CCDC73: variants seen among roughly 807,000 people sequenced by gnomAD.
CCDC73 encodes coiled-coil domain containing 73.
CCDC73 carries 95 observed loss-of-function variants against 116.5 expected under a neutral mutation model. That is an observed-to-expected ratio of 0.82 (90% CI 0.69 to 0.97). CCDC73 has a LOEUF of 0.97. CCDC73 is among the 50% of genes least tolerant of loss of function. The pLI is 0.00. For synonymous variants in CCDC73, 398 were observed against 401.3 expected (o/e 0.99, Z 0.10); for missense variants, 1,066 against 1,206.8 (o/e 0.88, Z 1.73).
chr11:32,608,127 A>G (rs1344426629), intron 17 of CCDC73, among the ~76,000 whole-genome samples: 1 of 152,174 alleles, frequency 6.6e-6, no homozygotes, highest in African/African-American at 2.4e-5. Flanking sequence ...GGACACAGCC[A>G]AACCATATCA....
At chr11:32,639,672 C>T (rs1446290010) in intron 13 of CCDC73, among the ~76,000 whole-genome samples, 1 of 152,146 alleles carries the variant, frequency 6.6e-6, no homozygotes, top group Non-Finnish European at 1.5e-5. Context: ...TTGTCTTGAA[C>T]TCCTGACCTC....
At chr11:32,809,378 G>A in the CCDC73 span, among the ~76,000 whole-genome samples, 1 of 152,302 alleles carries the variant, frequency 6.6e-6, no homozygotes, top group East Asian at 1.9e-4. Context: ...ACACAACCTA[G>A]ACAATAATAG....
At chr11:32,650,802 A>G (rs1449128731) in intron 12 of CCDC73, among the ~76,000 whole-genome samples, 4 of 152,144 alleles carry the variant, frequency 2.6e-5, no homozygotes. Flanking sequence ...TAAATGTTGC[A>G]TTGCTCAGGT....
intron 2 of CCDC73, 141 bp from the exon 3 acceptor site, chr11:32,718,288 T>C (rs1051098299): frequency 1.7e-6 from 1 of 590,784 alleles, no homozygotes; most frequent in Non-Finnish European, 2.9e-6. Flanking sequence ...GCAAATTAAA[T>C]AGACAAGTCC....
chr11:32,613,806 TATGCTGTCTTTC>T lies in CCDC73; in HGVS notation c.2500_2511del (p.Glu834_His837del), dbSNP rs1200231522. On this transcript the variant is annotated inframe_deletion, in exon 16 of 18. Coordinates refer to ENST00000335185, the MANE Select transcript of CCDC73 (RefSeq NM_001008391.4). Reference sequence around the variant, plus strand: ...GTTTTCTCTGTATTATTTAACAATGTATGCTGTCTTTCATTAATGCTCACAAAAAGGAAGAGG... The same window carrying T: ...GTTTTCTCTGTATTATTTAACAATGTATTAATGCTCACAAAAAGGAAGAGG... The T allele has an allele frequency of 2.5e-6, 4 of 1,613,814 alleles. No individual in the cohort carries two copies. The highest frequency in any genetic ancestry group is 3.4e-6 in the Non-Finnish European group (4 of 1,179,918).
At chr11:32,733,752 T>C (rs999130098) in intron 2 of CCDC73, among the ~76,000 whole-genome samples, 7 of 152,172 alleles carry the variant, frequency 4.6e-5, no homozygotes, top group African/African-American at 1.7e-4. Context: ...CCAGAATCTC[T>C]GGGACACATT....
intron 1 of CCDC73, among the ~76,000 whole-genome samples, chr11:32,776,117 A>T (rs1461881770): frequency 6.6e-6 from 1 of 151,820 alleles, no homozygotes; most frequent in Non-Finnish European, 1.5e-5. Context: ...TCATCCCCTA[A>T]ATCTAATCTC....
intron 1 of CCDC73, among the ~76,000 whole-genome samples, chr11:32,771,028 C>T (rs1850489115): frequency 6.6e-6 from 1 of 152,172 alleles, no homozygotes; most frequent in African/African-American, 2.4e-5. Context: ...AGGGCGTTAT[C>T]TTAGAGCATC....
chr11:32,800,054 A>G, the CCDC73 span, among the ~76,000 whole-genome samples: 1 of 152,180 alleles, frequency 6.6e-6, no homozygotes, highest in Non-Finnish European at 1.5e-5. Context: ...TTTTCATGTA[A>G]TAATTGATAG....
rs567823511 is a variant in CCDC73 at position 32,696,584 on chromosome 11, T to C, written c.390+2667A>G. Among the ~76,000 whole-genome samples the C allele has an allele frequency of 2.0e-5, 3 of 152,010 alleles. No individual in the cohort carries two copies. The South Asian group carries it at 6.2e-4, about 32-fold the overall frequency. ...CTGGAGCTACAGGCGTGCACCACCA[T>C]ATCTGGCTAATTTTTGCATATATAT... is the stretch of plus-strand genomic sequence containing the variant. On this transcript the variant is annotated intron_variant, in intron 6 of 17. Transcript: ENST00000335185.
the CCDC73 span, among the ~76,000 whole-genome samples, chr11:32,813,473 G>T: frequency 1.3e-5 from 2 of 152,064 alleles, no homozygotes; most frequent in Non-Finnish European, 2.9e-5. Context: ...GCCCAAGCTG[G>T]TCTTGAACTC....
chr11:32,738,310 AT>A (rs1850153930), intron 2 of CCDC73, among the ~76,000 whole-genome samples: 1 of 152,128 alleles, frequency 6.6e-6, no homozygotes, highest in South Asian at 2.1e-4. Context: ...ACTAATTTAC[AT>A]TTCCACCAAC....
In CCDC73 at chr11:32,611,138, T is replaced by C. The variant is rs1370412819; in HGVS notation, c.3024A>G (p.Thr1008=). ...ATATTTTTAATTGACTTACATGTTC[T>C]GTGGGAAAAGAGGAATCATAAAAAG... ...AKTFYDSSFP[T]EHVKTKPLIS... Residue 1008 remains threonine (T), a synonymous_variant, in exon 17 of 18, where the codon ACA becomes ACG. Coordinates refer to ENST00000335185, the MANE Select transcript of CCDC73 (RefSeq NM_001008391.4). 1.2e-6 allele frequency: 2 copies of C among 1,613,786 alleles called. No individual in the cohort carries two copies. The highest frequency in any genetic ancestry group is 2.7e-5 in the African/African-American group (2 of 75,058).
At chr11:32,774,031 A>G (rs1345400119) in intron 1 of CCDC73, among the ~76,000 whole-genome samples, 21 of 152,126 alleles carry the variant, frequency 1.4e-4, no homozygotes, top group Admixed American at 1.4e-3. Flanking sequence ...GATAGTAGAA[A>G]GTAAGGATTC....
Position 32,602,828 on chromosome 11 carries a change from T to G in CCDC73, c.3223A>C (p.Asn1075His). 1 of 1,596,732 alleles carries G rather than the reference T, an allele frequency of 6.3e-7. No individual in the cohort carries two copies. The highest frequency in any genetic ancestry group is 8.5e-7 in the Non-Finnish European group (1 of 1,171,944). ...TATCTACATTATTTTAATCTGTTGT[T>G]TTTTTCCAACGTCTCTTCTGCTTTT... ...KRKAEETLEK[N>H]NRLK The change falls in exon 18 of 18, where the codon AAC becomes CAC. Residue 1075 changes from asparagine to histidine, a missense_variant. Asn to His is a moderately conservative substitution (Grantham distance 68). Transcript: ENST00000335185.
intron 9 of CCDC73, among the ~76,000 whole-genome samples, chr11:32,667,300 G>T (rs1395550727): frequency 6.6e-6 from 1 of 152,222 alleles, no homozygotes; most frequent in Non-Finnish European, 1.5e-5. Flanking sequence ...TTGAGCTGTG[G>T]TGGGCTCCAC....
chr11:32,603,294 T>C (rs1240777268), intron 17 of CCDC73: 2 of 301,588 alleles, frequency 6.6e-6, no homozygotes, highest in Non-Finnish European at 1.2e-5. Context: ...AACACCATTG[T>C]TGAAGAAACA....
At chr11:32,717,717 C>T (rs1205285029) in intron 3 of CCDC73, among the ~76,000 whole-genome samples, 5 of 152,158 alleles carry the variant, frequency 3.3e-5, no homozygotes, top group Non-Finnish European at 7.4e-5. Flanking sequence ...AGTTAGCTTT[C>T]ATACTGCTAC....
intron 2 of CCDC73, among the ~76,000 whole-genome samples, chr11:32,746,632 T>C (rs1850241782): frequency 6.6e-6 from 1 of 152,132 alleles, no homozygotes; most frequent in African/African-American, 2.4e-5. Flanking sequence ...TTTCTTTTCA[T>C]TCTTTTTTCT....
Sources: gnomAD v4.1 joint callset for allele counts (sites outside exome capture counted in the v4.1 genomes callset) on GRCh38, gnomAD v4.1.1 for gene constraint, MANE v1.5 for transcripts, NCBI Gene and HGNC (gene_info 2026-07-23, HGNC 2026-07-21) for gene names.